SP140: variants seen among roughly 807,000 people sequenced by gnomAD.
SP140 encodes the protein nuclear body protein SP140.
In SP140, 81 loss-of-function variants were observed where a neutral mutation model predicts 125.0. That is an observed-to-expected ratio of 0.65 (90% CI 0.54 to 0.78). The LOEUF (loss-of-function observed/expected upper bound fraction) is 0.78. SP140 is among the 30% of genes least tolerant of loss of function. The pLI, the probability that SP140 is intolerant of heterozygous loss-of-function variation, is 0.00. For synonymous variants in SP140, 312 were observed against 354.0 expected (o/e 0.88, Z 1.33); for missense variants, 858 against 1,037.0 (o/e 0.83, Z 2.37).
At chr2:230,212,601 G>C (rs956362090) in intron 1 of SP140, among the ~76,000 whole-genome samples, 2 of 152,136 alleles carry the variant, frequency 1.3e-5, no homozygotes, top group African/African-American at 4.8e-5. Context: ...CCCACCCCCC[G>C]GCAGTGCTCA....
At chr2:230,268,506 CAA>C (rs2053467114) in intron 12 of SP140, among the ~76,000 whole-genome samples, 1 of 137,952 alleles carries the variant, frequency 7.2e-6, no homozygotes, top group African/African-American at 2.8e-5. Flanking sequence ...GCCTGGGCGA[CAA>C]GAGTGAAACT....
chr2:230,270,547 T>C, intron 14 of SP140, 39 bp from the exon 15 acceptor site: 3 of 1,558,126 alleles, frequency 1.9e-6, no homozygotes, highest in South Asian at 1.1e-5. Context: ...CTTTTATTTA[T>C]TAATTTCTGT....
chr2:230,197,284 T>C, the SP140 span, among the ~76,000 whole-genome samples: 36,251 of 149,044 alleles, frequency 0.24, 5,349 homozygotes, highest in Non-Finnish European at 0.34. Flanking sequence ...TGCATTTCTC[T>C]GATGGCCAGT....
rs889528746 is a variant in SP140 at position 230,209,860 on chromosome 2, TAC to T, written c.-322-3792_-322-3791del. On this transcript the variant is annotated intron_variant, in intron 1 of 4. Coordinates refer to the SP140 transcript ENST00000456542. ...TCACATAGTGGTGCTCTTGACAAGA[TAC>T]AGTCAGAAAAACAGAAAGCAACTCT... is the stretch of plus-strand genomic sequence containing the variant. 46 of 893,584 alleles carry T rather than the reference TAC, an allele frequency of 5.1e-5. 1 individual carries two copies. In the African/African-American group the frequency reaches 6.9e-4, roughly 13 times the overall value. 55.4% of individuals were successfully genotyped at this position (893,584 alleles called of 1,614,324 possible). A position where few individuals can be genotyped will look rare whatever the true frequency, so the allele number is the denominator to read the frequency against.
intron 1 of SP140, among the ~76,000 whole-genome samples, chr2:230,227,407 G>A (rs1003308827): frequency 5.7e-4 from 86 of 152,120 alleles, no homozygotes; most frequent in African/African-American, 2.0e-3. Context: ...GGAAGAAGAC[G>A]GCACTGAGAG....
intron 4 of SP140, among the ~76,000 whole-genome samples, chr2:230,242,845 C>A (rs1357718162): frequency 6.6e-6 from 1 of 152,116 alleles, no homozygotes; most frequent in Non-Finnish European, 1.5e-5. Flanking sequence ...GTCTCTGGTC[C>A]AGATCTCCAT....
In SP140 at chr2:230,210,491, G is replaced by A. The variant is rs2114592; in HGVS notation, c.-322-3163G>A. On this transcript the variant is annotated intron_variant, in intron 1 of 4. Transcript: ENST00000456542. ...CATCTTATTGCTTTGACGTCTATGT[G>A]TGGATATTCTTTAACTGCTCTATCT... 0.13 allele frequency among the ~76,000 whole-genome samples: 19,191 copies of A among 152,214 alleles called. 1,372 individuals carry two copies. The highest frequency in any genetic ancestry group is 0.27 in the South Asian group (1,303 of 4,824).
At position 230,310,142 on chromosome 2, in the gene SP140, A is replaced by G. The variant is rs2059202694; in HGVS notation, c.2174+103A>G. 3.5e-6 allele frequency: 4 copies of G among 1,133,112 alleles called. No homozygotes were observed. In the South Asian group the frequency reaches 4.2e-5, roughly 12 times the overall value. The allele number at this position is 1,133,112 out of a possible 1,614,324, so 70.2% of individuals were successfully genotyped here. A position where few individuals can be genotyped will look rare whatever the true frequency, so the allele number is the denominator to read the frequency against. On this transcript the variant is annotated intron_variant, in intron 23 of 26. Coordinates refer to ENST00000392045, the MANE Select transcript of SP140 (RefSeq NM_007237.5). Reference sequence around the variant, plus strand: ...CCGGCTTGTGTCTAGATGGGGAAAGAGCAGGTTCATCGGGTACTGGGACCC... The same window carrying G: ...CCGGCTTGTGTCTAGATGGGGAAAGGGCAGGTTCATCGGGTACTGGGACCC...
At chr2:230,285,955 T>C (rs1199167797) in intron 17 of SP140, 123 bp downstream of exon 17, 1 of 724,866 alleles carries the variant, frequency 1.4e-6, no homozygotes, top group Non-Finnish European at 2.4e-6. Flanking sequence ...TGGAGAGCAG[T>C]GAAATCTAAA....
Position 230,246,479 on chromosome 2 carries a change from G to T in SP140, c.742+539G>T, listed in dbSNP as rs184330975. ...GAGATAATTTTCAACTTATTTTCTC[G>T]AGGTTATGCCAACAGCATGGATATA... On this transcript the variant is annotated intron_variant, in intron 7 of 26. Transcript: ENST00000392045. Among the ~76,000 whole-genome samples, 16 of 152,106 alleles carry T rather than the reference G, an allele frequency of 1.1e-4. No individual in the cohort carries two copies. In the Middle Eastern group the frequency reaches 0.01, roughly 97 times the overall value.
intron 1 of SP140, among the ~76,000 whole-genome samples, chr2:230,228,993 T>C (rs2149037752): frequency 6.6e-6 from 1 of 152,286 alleles, no homozygotes; most frequent in South Asian, 2.1e-4. Context: ...CCTTTTCTGG[T>C]TTAATTGAGC....
chr2:230,188,516 G>T, the SP140 span, among the ~76,000 whole-genome samples: 1 of 152,072 alleles, frequency 6.6e-6, no homozygotes, highest in Non-Finnish European at 1.5e-5. Flanking sequence ...AGGACTTCTA[G>T]TACTATGTTG....
Position 230,280,554 on chromosome 2 carries a change from G to T in SP140, c.1499-3792G>T, listed in dbSNP as rs576089269. On this transcript the variant is annotated intron_variant, in intron 15 of 26. Coordinates refer to ENST00000392045, the MANE Select transcript of SP140 (RefSeq NM_007237.5). The stretch of plus-strand genomic sequence containing the variant: ...TGACCATTCTCTATTTGTATCTTTC[G>T]TGTCTCCTTCCTGCTTTTTAATGGA... Among the ~76,000 whole-genome samples the T allele has an allele frequency of 4.6e-5, 7 of 151,870 alleles. No homozygotes were observed. The South Asian group carries it at 1.5e-3, about 32-fold the overall frequency.
At chr2:230,258,585 AATT>A (rs2051646293) in intron 12 of SP140, among the ~76,000 whole-genome samples, 1 of 152,190 alleles carries the variant, frequency 6.6e-6, no homozygotes, top group East Asian at 1.9e-4. Context: ...ACATTCTTCT[AATT>A]ATAGCATTCT....
chr2:230,241,173 A>C (rs1416589900), intron 3 of SP140, among the ~76,000 whole-genome samples: 2 of 152,182 alleles, frequency 1.3e-5, no homozygotes, highest in Non-Finnish European at 2.9e-5. Context: ...CTTAAGCACA[A>C]AGCAATTTTC....
rs1208447133 is a variant in SP140, at chr2:230,288,509, C to CTTTCTTTCTTTCTTTT, written c.1720+547_1720+562dup. Among the ~76,000 whole-genome samples, 196 of 116,116 alleles carry CTTTCTTTCTTTCTTTT rather than the reference C, an allele frequency of 1.7e-3. 3 individuals are homozygous for CTTTCTTTCTTTCTTTT. Among genetic ancestry groups the CTTTCTTTCTTTCTTTT allele is most frequent in the African/African-American group, 5.8e-3 (185 of 31,690 alleles). 76.2% of individuals were successfully genotyped at this position (116,116 alleles called of 152,430 possible). On this transcript the variant is annotated intron_variant, in intron 18 of 26. Coordinates refer to ENST00000392045, the MANE Select transcript of SP140 (RefSeq NM_007237.5). Reference sequence around the variant, plus strand: ...TCTTTCTTTCTTTCTTTCTTTCTTTCTTTCTTTCTTTCTTTTTTTATTCTT... The same window carrying CTTTCTTTCTTTCTTTT: ...TCTTTCTTTCTTTCTTTCTTTCTTTCTTTCTTTCTTTCTTTTTTTCTTTCTTTCTTTTTTTATTCTT...
chr2:230,207,900 T>C, intron 1 of SP140: 1 of 711,332 alleles, frequency 1.4e-6, no homozygotes, highest in Admixed American at 2.3e-5. Flanking sequence ...CCCATTGCAT[T>C]TAGAATAAAA....
At chr2:230,236,233 T>G (rs1402712517) in intron 1 of SP140, among the ~76,000 whole-genome samples, 1 of 152,186 alleles carries the variant, frequency 6.6e-6, no homozygotes, top group African/African-American at 2.4e-5. Context: ...AATTTTATGA[T>G]GCAGAATGCC....
intron 10 of SP140, among the ~76,000 whole-genome samples, chr2:230,252,626 G>A (rs1213611375): frequency 2.6e-5 from 4 of 152,172 alleles, no homozygotes; most frequent in African/African-American, 9.7e-5. Context: ...AGATTACTGG[G>A]TTGCACAAGA....
Sources: gnomAD v4.1 joint callset for allele counts (sites outside exome capture counted in the v4.1 genomes callset) on GRCh38, gnomAD v4.1.1 for gene constraint, MANE v1.5 for transcripts, NCBI Gene and HGNC (gene_info 2026-07-23, HGNC 2026-07-21) for gene names.